Variants in DNASE2 observed in about 807,000 individuals in gnomAD.
DNASE2 encodes the protein deoxyribonuclease-2-alpha.
DNASE2 carries 26 observed loss-of-function variants against 29.8 expected under a neutral mutation model. The ratio of observed to expected loss-of-function variants is 0.87; its 90% confidence interval spans 0.64 to 1.21. The LOEUF (loss-of-function observed/expected upper bound fraction) is 1.21, where lower values mean the gene tolerates loss of function less well. DNASE2 is among the 50% of genes most tolerant of loss of function. The pLI is 0.00. For synonymous variants in DNASE2, 186 were observed against 193.5 expected, an observed-to-expected ratio of 0.96 and a Z score of 0.32; for missense variants, 415 against 455.6, an observed-to-expected ratio of 0.91 and a Z score of 0.81.
chr19:12,876,430 C>T, intron 5 of DNASE2, 67 bp from the exon 6 acceptor site: 1 of 1,573,064 alleles, frequency 6.4e-7, no homozygotes, highest in Non-Finnish European at 8.6e-7. Context: ...TAGTCCACTT[C>T]CCCTCTCTCA....
chr19:12,877,092 T>G (rs1219278471), intron 5 of DNASE2, among the ~76,000 whole-genome samples: 2 of 152,050 alleles, frequency 1.3e-5, no homozygotes, highest in Middle Eastern at 3.2e-3. Flanking sequence ...GCCCAGATAA[T>G]TTTTGTACTT....
rs1422057374 is a variant in DNASE2 at position 12,880,980 on chromosome 19, T to C, written c.259A>G (p.Thr87Ala). The C allele has an allele frequency of 1.2e-6, 2 of 1,614,156 alleles. No homozygotes were observed. The change falls in exon 2 of 6, where the codon ACC becomes GCC. Residue 87 changes from threonine to alanine, a missense_variant. Coordinates refer to ENST00000222219, the MANE Select transcript of DNASE2 (RefSeq NM_001375.3). ...CCCGGGGCCCCCTTCACCTGGCTGG[T>C]GTTGCTCCGGTACAGCGGCTGCAGG... Reference protein sequence around the residue: ...RSLQPLYRSNTSQLAFLLYND... With the variant: ...RSLQPLYRSNASQLAFLLYND...
At chr19:12,879,513 G>A (rs1970357224) in intron 3 of DNASE2, among the ~76,000 whole-genome samples, 2 of 148,054 alleles carry the variant, frequency 1.4e-5, no homozygotes, top group Non-Finnish European at 3.0e-5. Flanking sequence ...AAGGCAATTA[G>A]AGGGTATTGC....
rs747962653 is a variant in DNASE2 at position 12,878,721 on chromosome 19, C to T, written c.460G>A (p.Gly154Arg). 8 of 1,614,050 alleles carry T rather than the reference C, an allele frequency of 5.0e-6. No homozygotes were observed. The highest frequency in any genetic ancestry group is 2.2e-5 in the South Asian group (2 of 91,066). The change falls in exon 4 of 6, where the codon GGG becomes AGG. Residue 154 changes from glycine to arginine, a missense_variant. By Grantham distance (125) the Gly-to-Arg change is moderately radical (BLOSUM62 -2). Transcript: ENST00000222219. ...YSWPHSACTY[G>R]QTLLCVSFPF... The stretch of plus-strand genomic sequence containing the variant: ...AAAGACACACAGAGCAGGGTCTGCC[C>T]GTAGGTACAGGCGCTATGAGGCCAG...
intron 3 of DNASE2, 70 bp downstream of exon 3, chr19:12,880,732 C>T (rs1970370135): frequency 1.3e-6 from 2 of 1,594,724 alleles, no homozygotes; most frequent in Admixed American, 1.7e-5. Flanking sequence ...CCGACCACCC[C>T]ATGCACGTCA....
rs1015162011 is a variant in DNASE2 at position 12,875,363 on chromosome 19, T to G, written c.*627A>C. ...GGATGAACTGGGATTCAAAATCAAG[T>G]CCAAACTGGTTCCTGAGCCCTTAGA... On this transcript the variant is annotated 3_prime_UTR_variant, in exon 6 of 6. Coordinates refer to ENST00000222219, the MANE Select transcript of DNASE2 (RefSeq NM_001375.3). The G allele has an allele frequency of 6.1e-6, 1 of 164,818 alleles. No homozygotes were observed. Among genetic ancestry groups the G allele is most frequent in the African/African-American group, 2.4e-5 (1 of 41,626 alleles). The allele number at this position is 164,818 out of a possible 1,614,324, so 10.2% of individuals were successfully genotyped here. A position where few individuals can be genotyped will look rare whatever the true frequency, so the allele number is the denominator to read the frequency against.
intron 5 of DNASE2, 120 bp downstream of exon 5, chr19:12,878,262 C>T: frequency 1.5e-6 from 2 of 1,294,200 alleles, no homozygotes; most frequent in Non-Finnish European, 2.2e-6. Context: ...GTTCACTGAT[C>T]ATGTGATTAT....
intron 1 of DNASE2, 37 bp from the exon 2 acceptor site, chr19:12,881,189 G>A: frequency 6.2e-7 from 1 of 1,611,746 alleles, no homozygotes; most frequent in Non-Finnish European, 8.5e-7. Context: ...AGGAGAGAGG[G>A]AAGAGAAGGC....
chr19:12,879,660 C>T (rs1025455899), intron 3 of DNASE2, among the ~76,000 whole-genome samples: 2 of 152,116 alleles, frequency 1.3e-5, no homozygotes, highest in African/African-American at 2.4e-5. Flanking sequence ...TCCAGAATAA[C>T]GCCAAGAGTA....
intron 3 of DNASE2, among the ~76,000 whole-genome samples, chr19:12,879,433 G>A (rs184872941): frequency 6.0e-4 from 86 of 143,276 alleles, no homozygotes; most frequent in African/African-American, 2.2e-3. Flanking sequence ...GCAGTGAGCC[G>A]AGATTGCACC....
rs944741902 is a variant in DNASE2 at position 12,875,902 on chromosome 19, C to T, written c.*88G>A. The stretch of plus-strand genomic sequence containing the variant: ...CTCACTATGTAGCCCAGGCTGGTCT[C>T]GAATTCCTGAGTTCAAGTGATCCTC... On this transcript the variant is annotated 3_prime_UTR_variant, in exon 6 of 6. Coordinates refer to ENST00000222219, the MANE Select transcript of DNASE2 (RefSeq NM_001375.3). 23 of 1,557,852 alleles carry T rather than the reference C, an allele frequency of 1.5e-5. No homozygotes were observed. The South Asian group carries it at 2.1e-4, about 14-fold the overall frequency.
chr19:12,877,621 C>T (rs1478988550), intron 5 of DNASE2, among the ~76,000 whole-genome samples: 2 of 151,914 alleles, frequency 1.3e-5, no homozygotes, highest in Non-Finnish European at 2.9e-5. Flanking sequence ...TCTTGACTCA[C>T]TGCAAGCTCC....
Position 12,875,717 on chromosome 19 carries a change from TG to T in DNASE2, c.*272del. On this transcript the variant is annotated 3_prime_UTR_variant, in exon 6 of 6. Transcript: ENST00000222219. ...CCGTCCCCCGCCCCCCCTTTTTTTT[TG>T]AAACAGAGTCTTGCTATGTGACCCA... 6 of 313,516 alleles carry T rather than the reference TG, an allele frequency of 1.9e-5. No individual in the cohort carries two copies. The highest frequency in any genetic ancestry group is 7.6e-5 in the South Asian group (2 of 26,236). 19.4% of individuals were successfully genotyped at this position (313,516 alleles called of 1,614,324 possible). A position where few individuals can be genotyped will look rare whatever the true frequency, so the allele number is the denominator to read the frequency against.
At chr19:12,877,588 C>T (rs1006468277) in intron 5 of DNASE2, among the ~76,000 whole-genome samples, 6 of 151,856 alleles carry the variant, frequency 4.0e-5, no homozygotes, top group African/African-American at 1.5e-4. Flanking sequence ...CTCTGTCACC[C>T]AGGCTGGAGT....
At position 12,880,518 on chromosome 19, in the gene DNASE2, T is replaced by G. The variant is rs145274273; in HGVS notation, c.346+284A>C. ...ACTAAAAATATGAAAATTAGCCTGG[T>G]GTGATGGTGCGCCTTTAATACCAGC... On this transcript the variant is annotated intron_variant, in intron 3 of 5. Coordinates refer to ENST00000222219, the MANE Select transcript of DNASE2 (RefSeq NM_001375.3). Among the ~76,000 whole-genome samples the G allele has an allele frequency of 3.0e-3, 448 of 151,618 alleles. 3 individuals are homozygous for G. The highest frequency in any genetic ancestry group is 0.011 in the African/African-American group (434 of 41,278).
In DNASE2 at chr19:12,881,206, G is replaced by C. The variant is rs1242699562; in HGVS notation, c.87-54C>G. On this transcript the variant is annotated intron_variant, in intron 1 of 5. Transcript: ENST00000222219. The stretch of plus-strand genomic sequence containing the variant: ...GAGAGAGGGAAGAGAAGGCACCCCA[G>C]GGTTCCCCGAGGAGGTAGCCATCCC... 1.9e-6 allele frequency: 3 copies of C among 1,611,226 alleles called. No individual in the cohort carries two copies. The African/African-American group carries it at 4.0e-5, about 22-fold the overall frequency.
chr19:12,880,298 A>G (rs928566131), intron 3 of DNASE2, among the ~76,000 whole-genome samples: 10 of 151,652 alleles, frequency 6.6e-5, no homozygotes, highest in Non-Finnish European at 1.2e-4. Context: ...TAGATGCCCA[A>G]GGTCTGACAG....
At position 12,875,330 on chromosome 19, in the gene DNASE2, T is replaced by C. The variant is rs1418523033; in HGVS notation, c.*660A>G. ...AGGCACACAATCAAGGTCATACAGC[T>C]AGGAAGGGGATGAACTGGGATTCAA... On this transcript the variant is annotated 3_prime_UTR_variant, in exon 6 of 6. Coordinates refer to ENST00000222219, the MANE Select transcript of DNASE2 (RefSeq NM_001375.3). 1.7e-5 allele frequency: 3 copies of C among 172,864 alleles called. No homozygotes were observed. Among genetic ancestry groups the C allele is most frequent in the African/African-American group, 7.1e-5 (3 of 41,992 alleles). 10.7% of individuals were successfully genotyped at this position (172,864 alleles called of 1,614,324 possible).
rs775656556 is a variant in DNASE2 at position 12,876,083 on chromosome 19, C to G, written c.990G>C (p.Leu330=). 5 of 1,613,780 alleles carry G rather than the reference C, an allele frequency of 3.1e-6. No individual in the cohort carries two copies. In the African/African-American group the frequency reaches 6.7e-5, roughly 22 times the overall value. The part of the protein sequence containing the change: ...QRGGGTLCAQ[L]PALWKAFQPL... Reference sequence around the variant, plus strand: ...GCTGGAAGGCTTTCCAGAGGGCTGGCAGCTGGGCACACAGTGTGCCCCCAC... The same window carrying G: ...GCTGGAAGGCTTTCCAGAGGGCTGGGAGCTGGGCACACAGTGTGCCCCCAC... Residue 330 remains leucine, a synonymous_variant, in exon 6 of 6, where the codon CTG becomes CTC. Coordinates refer to ENST00000222219, the MANE Select transcript of DNASE2 (RefSeq NM_001375.3).
Sources: allele counts gnomAD v4.1 joint callset (sites outside exome capture counted in the v4.1 genomes callset), GRCh38; gene constraint gnomAD v4.1.1; transcripts MANE v1.5; gene names NCBI Gene and HGNC (gene_info 2026-07-23, HGNC 2026-07-21).